The following ESRP1 variants were observed in gnomAD, a reference collection of about 807,000 sequenced individuals.
ESRP1 encodes the protein RNA-binding motif protein 35A.
ESRP1 carries 33 observed loss-of-function variants against 81.7 expected under a neutral mutation model. That is an observed-to-expected ratio of 0.40 (90% CI 0.31 to 0.54). The LOEUF (loss-of-function observed/expected upper bound fraction) is 0.54, where lower values mean the gene tolerates loss of function less well. Ranked by LOEUF, ESRP1 falls within the 20% of genes least tolerant of loss-of-function variation. The pLI, the probability that ESRP1 is intolerant of heterozygous loss-of-function variation, is 0.41. For synonymous variants in ESRP1, 320 were observed against 303.3 expected, an observed-to-expected ratio of 1.06 and a Z score of -0.57; for missense variants, 672 against 833.1, an observed-to-expected ratio of 0.81 and a Z score of 2.38.
chr8:94,644,253 G>A (rs1442722031), intron 3 of ESRP1, among the ~76,000 whole-genome samples: 3 of 152,164 alleles, frequency 2.0e-5, no homozygotes, highest in Admixed American at 1.3e-4. Context: ...AAATTAGTTT[G>A]AGCTGTAACT....
At chr8:94,696,579 T>A (rs1291053779) in intron 14 of ESRP1, among the ~76,000 whole-genome samples, 3 of 152,232 alleles carry the variant, frequency 2.0e-5, no homozygotes, top group Non-Finnish European at 4.4e-5. Flanking sequence ...CTGAAGAAAT[T>A]GGCCTCCTAA....
chr8:94,669,249 A>G (rs1819183273), intron 10 of ESRP1, among the ~76,000 whole-genome samples: 1 of 152,204 alleles, frequency 6.6e-6, no homozygotes, highest in Non-Finnish European at 1.5e-5. Flanking sequence ...TGTAGCATAA[A>G]TGGTATAGAC....
intron 11 of ESRP1, 107 bp from the exon 12 acceptor site, chr8:94,674,201 A>G: frequency 7.9e-7 from 1 of 1,269,422 alleles, no homozygotes; most frequent in Non-Finnish European, 1.1e-6. Flanking sequence ...TTGTGGCTAA[A>G]ATATCTGTAT....
intron 13 of ESRP1, 128 bp downstream of exon 13, chr8:94,678,499 TCATATCTC>T: frequency 9.2e-7 from 1 of 1,088,270 alleles, no homozygotes; most frequent in Non-Finnish European, 1.3e-6. Flanking sequence ...CAGCCTCTGG[TCATATCTC>T]TGACCAAGAA....
Position 94,655,462 on chromosome 8 carries a change from C to G in ESRP1, c.491-6810C>G, listed in dbSNP as rs2130576613. Among the ~76,000 whole-genome samples, 2 of 151,274 alleles carry G rather than the reference C, an allele frequency of 1.3e-5. 1 individual carries two copies. Among genetic ancestry groups the G allele is most frequent in the South Asian group, 4.2e-4 (2 of 4,794 alleles). ...CATACCTAGGTTTTAGATGTTTTTC[C>G]CCCGCATTTTATTGCTGGTGTTAAA... On this transcript the variant is annotated intron_variant, in intron 4 of 15. Coordinates refer to ENST00000433389, the MANE Select transcript of ESRP1 (RefSeq NM_017697.4).
At chr8:94,690,164 C>G (rs1809333872) in intron 13 of ESRP1, among the ~76,000 whole-genome samples, 1 of 150,006 alleles carries the variant, frequency 6.7e-6, no homozygotes, top group Admixed American at 6.7e-5. Flanking sequence ...TTTTTAGAGA[C>G]AGGATTTCAC....
chr8:94,674,348 C>T lies in ESRP1; in HGVS notation c.1493C>T (p.Ala498Val), dbSNP rs759634212. 28 of 1,613,742 alleles carry T rather than the reference C, an allele frequency of 1.7e-5. No homozygotes were observed. The highest frequency in any genetic ancestry group is 1.9e-5 in the Non-Finnish European group (23 of 1,179,874). The change falls in exon 12 of 16, where the codon GCG becomes GTG. Residue 498 changes from alanine (A) to valine (V), a missense_variant. Ala to Val is a moderately conservative substitution (Grantham distance 64). Transcript: ENST00000433389. Reference sequence around the variant, plus strand: ...GATGCCTTTATCCAGATGAAGTCTGCGGACAGAGCATTTATGGCTGCACAG... The same window carrying T: ...GATGCCTTTATCCAGATGAAGTCTGTGGACAGAGCATTTATGGCTGCACAG... Reference protein sequence around the residue: ...SGDAFIQMKSADRAFMAAQKC... With the variant: ...SGDAFIQMKSVDRAFMAAQKC...
chr8:94,649,312 G>T (rs1817998276), intron 4 of ESRP1, among the ~76,000 whole-genome samples: 1 of 152,150 alleles, frequency 6.6e-6, no homozygotes, highest in Non-Finnish European at 1.5e-5. Flanking sequence ...CTCCCAAAAT[G>T]CAGGGATTAT....
rs573188090 is a variant in ESRP1 at position 94,654,308 on chromosome 8, A to G, written c.491-7964A>G. On this transcript the variant is annotated intron_variant, in intron 4 of 15. Coordinates refer to ENST00000433389, the MANE Select transcript of ESRP1 (RefSeq NM_017697.4). ...ACCCTAGCCTGGGCGACAGAGTGAG[A>G]CTCCATCTCAAAAAAATAAAATATT... Among the ~76,000 whole-genome samples the G allele has an allele frequency of 3.0e-4, 46 of 152,178 alleles. No homozygotes were observed. In the East Asian group the frequency reaches 7.5e-3, roughly 25 times the overall value.
chr8:94,644,514 G>T (rs1302718562), intron 3 of ESRP1, among the ~76,000 whole-genome samples: 1 of 152,150 alleles, frequency 6.6e-6, no homozygotes, highest in Non-Finnish European at 1.5e-5. Context: ...AAAAGGGGAA[G>T]AATTTTTTTA....
At chr8:94,682,788 T>G (rs1808947843) in intron 13 of ESRP1, among the ~76,000 whole-genome samples, 1 of 150,278 alleles carries the variant, frequency 6.7e-6, no homozygotes, top group Non-Finnish European at 1.5e-5. Flanking sequence ...GAATAACCAT[T>G]GTCTTTCTTG....
At chr8:94,689,326 C>A (rs1164047937) in intron 13 of ESRP1, among the ~76,000 whole-genome samples, 1 of 131,134 alleles carries the variant, frequency 7.6e-6, no homozygotes, top group Non-Finnish European at 1.6e-5. Flanking sequence ...GATCTTTTTT[C>A]TTTTAACAAT....
chr8:94,661,861 AG>A (rs1273525832), intron 4 of ESRP1, among the ~76,000 whole-genome samples: 5 of 152,214 alleles, frequency 3.3e-5, no homozygotes, highest in African/African-American at 1.2e-4. Flanking sequence ...CCAAAAAAAA[AG>A]TCATTTAATA....
intron 13 of ESRP1, among the ~76,000 whole-genome samples, chr8:94,679,784 T>C (rs186200815): frequency 2.6e-5 from 4 of 152,180 alleles, no homozygotes; most frequent in Non-Finnish European, 5.9e-5. Context: ...TAACCGTTAC[T>C]ATCAGTTTGG....
Position 94,664,959 on chromosome 8 carries a change from G to C in ESRP1, c.788G>C (p.Gly263Ala). The C allele has an allele frequency of 6.2e-7, 1 of 1,613,392 alleles. No individual in the cohort carries two copies. Among genetic ancestry groups the C allele is most frequent in the Non-Finnish European group, 8.5e-7 (1 of 1,179,824 alleles). ...GGAALCLNAQ[G>A]RRNGEALVRF... ...GCAGCACTTTGTCTGAATGCTCAGG[G>C]TCGAAGGAACGGAGAAGCTCTGGTT... Residue 263 changes from glycine to alanine, a missense_variant, in exon 8 of 16, where the codon GGT (glycine) becomes GCT (alanine). Transcript: ENST00000433389.
intron 4 of ESRP1, among the ~76,000 whole-genome samples, chr8:94,660,427 C>A (rs994425346): frequency 1.3e-5 from 2 of 152,004 alleles, no homozygotes; most frequent in African/African-American, 4.8e-5. Context: ...CATGGTGAAA[C>A]CCCATCTCTA....
At position 94,658,619 on chromosome 8, in the gene ESRP1, A is replaced by G. The variant is rs532531536; in HGVS notation, c.491-3653A>G. Reference sequence around the variant, plus strand: ...TAGGTAATCCTGCCATTAATAGATGAGAGGAAAGCTTAATTTGAATGGAAT... The same window carrying G: ...TAGGTAATCCTGCCATTAATAGATGGGAGGAAAGCTTAATTTGAATGGAAT... On this transcript the variant is annotated intron_variant, in intron 4 of 15. Transcript: ENST00000433389. Among the ~76,000 whole-genome samples, 12 of 152,262 alleles carry G rather than the reference A, an allele frequency of 7.9e-5. 1 individual carries two copies. In the South Asian group the frequency reaches 2.5e-3, roughly 32 times the overall value.
intron 11 of ESRP1, among the ~76,000 whole-genome samples, chr8:94,672,584 T>C (rs771518941): frequency 3.5e-4 from 53 of 151,950 alleles, no homozygotes; most frequent in Admixed American, 7.9e-4. Flanking sequence ...CCAGGCTGGA[T>C]TGCAGTGGAG....
chr8:94,692,732 G>A lies in ESRP1; in HGVS notation c.1876G>A (p.Gly626Ser), dbSNP rs781353887. 3.2e-5 allele frequency: 51 copies of A among 1,613,768 alleles called. No individual in the cohort carries two copies. Among genetic ancestry groups the A allele is most frequent in the East Asian group, 1.1e-4 (5 of 44,896 alleles). The change falls in exon 14 of 16, where the codon GGT (glycine) becomes AGT (serine). Residue 626 changes from glycine (G) to serine (S), a missense_variant. Physicochemically the swap from Gly to Ser is moderately conservative, Grantham distance 56. Transcript: ENST00000433389. ...CTTCCCTACAGCTGCTAATCTTAGCGGTGTCCCTCCACAGCCTGGCACGGT... is the reference window on the plus strand; with the variant it reads ...CTTCCCTACAGCTGCTAATCTTAGCAGTGTCCCTCCACAGCCTGGCACGGT... ...GYFPTAANLS[G>S]VPPQPGTVVR...
Sources: allele counts gnomAD v4.1 joint callset (sites outside exome capture counted in the v4.1 genomes callset), GRCh38; gene constraint gnomAD v4.1.1; transcripts MANE v1.5; gene names NCBI Gene and HGNC (gene_info 2026-07-23, HGNC 2026-07-21).